ACACB: variants seen among roughly 807,000 people sequenced by gnomAD.
The protein encoded by ACACB is acetyl-CoA carboxylase 2.
A neutral mutation model predicts 278.8 loss-of-function variants in ACACB; 209 were observed. The ratio of observed to expected loss-of-function variants is 0.75; its 90% CI spans 0.67 to 0.84. The LOEUF is 0.84. Among genes scored for constraint, ACACB ranks in the 40% least tolerant of loss-of-function variants. The probability of loss-of-function intolerance (pLI) is 0.00; values close to 1 mark genes in which losing one functional copy is unlikely to be tolerated. For missense variants in ACACB, 2,850 were observed against 3,269.0 expected (o/e 0.87, Z 3.13); for synonymous variants, 1,174 against 1,285.6 (o/e 0.91, Z 1.86).
chr12:109,221,897 G>GGA (rs962897828), intron 24 of ACACB, among the ~76,000 whole-genome samples: 10 of 149,236 alleles, frequency 6.7e-5, no homozygotes, highest in African/African-American at 2.2e-4. Flanking sequence ...TTTTTTTTGG[G>GGA]GGGGAGACAG....
At chr12:109,131,388 C>T (rs1490639389) in intron 1 of ACACB, 1 of 152,646 alleles carries the variant, frequency 6.6e-6, no homozygotes, top group Non-Finnish European at 1.5e-5. Context: ...CTGTCAGCCT[C>T]ACTCAAGAAT....
chr12:109,188,094 G>A lies in ACACB; in HGVS notation c.2076G>A (p.Leu692=), dbSNP rs1235581224. 6.2e-6 allele frequency: 10 copies of A among 1,613,468 alleles called. No individual in the cohort carries two copies. The highest frequency in any genetic ancestry group is 1.3e-5 in the African/African-American group (1 of 74,928). The change falls in exon 13 of 53, where the codon CTG becomes CTA. Residue 692 remains leucine (L), a synonymous_variant. Coordinates refer to ENST00000338432, the MANE Select transcript of ACACB (RefSeq NM_001093.4). ...GYFSVAATGG[L]HEFADSQFGH... ...TCAGCGTGGCCGCTACTGGAGGCCT[G>A]CACGAGTTTGCGGATTCCCAATTTG...
chr12:109,135,919 C>T (rs1274377888), intron 1 of ACACB, among the ~76,000 whole-genome samples: 2 of 151,556 alleles, frequency 1.3e-5, no homozygotes, highest in African/African-American at 4.9e-5. Flanking sequence ...ACGCCATTCT[C>T]CTTCCTCAGT....
chr12:109,193,637 T>C lies in ACACB; in HGVS notation c.2400-11T>C, dbSNP rs908971457. 4 of 1,610,196 alleles carry C rather than the reference T, an allele frequency of 2.5e-6. No individual in the cohort carries two copies. The highest frequency in any genetic ancestry group is 3.4e-6 in the Non-Finnish European group (4 of 1,176,516). On this transcript the variant is annotated splice_polypyrimidine_tract_variant and intron_variant, in intron 15 of 52. Transcript: ENST00000338432. ...TCCCAAGGCTGACCACAACCCTGTC[T>C]TTTCTTTCAGGGGCCAGGTCCTCCC...
Position 109,222,590 on chromosome 12 carries a change from G to A in ACACB, c.3648G>A (p.Glu1216=), listed in dbSNP as rs780920135. The change falls in exon 25 of 53, where the codon GAG becomes GAA. Residue 1216 remains glutamate (E), a synonymous_variant. Transcript: ENST00000338432. ...AGCTCACTCAGCTGAGCAAAAGCGA[G>A]CACTGCAAAGTGGCCCTCAGAGCCC... The part of the protein sequence containing the change: ...LNELTQLSKS[E]HCKVALRARQ... The A allele has an allele frequency of 1.9e-6, 3 of 1,614,188 alleles. No homozygotes were observed. The highest frequency in any genetic ancestry group is 1.7e-6 in the Non-Finnish European group (2 of 1,180,030).
rs753684257 is a variant in ACACB at position 109,176,248 on chromosome 12, G to A, written c.1422G>A (p.Pro474=). 8.1e-6 allele frequency: 13 copies of A among 1,614,004 alleles called. 1 individual carries two copies. Among genetic ancestry groups the A allele is most frequent in the South Asian group, 3.3e-5 (3 of 91,088 alleles). The change falls in exon 9 of 53, where the codon CCG becomes CCA. Residue 474 remains proline, a synonymous_variant. Coordinates refer to ENST00000338432, the MANE Select transcript of ACACB (RefSeq NM_001093.4). ...AGGCTGAGAGTGCGGAGGACTTCCC[G>A]ATCCTTTTCAGACAAGTGAGCAGTT... is the stretch of plus-strand genomic sequence containing the variant. ...IRKAESAEDF[P]ILFRQVQSEI...
chr12:109,250,159 A>G (rs2047055734), intron 41 of ACACB, 55 bp downstream of exon 41: 7 of 1,491,510 alleles, frequency 4.7e-6, no homozygotes, highest in Non-Finnish European at 6.3e-6. Context: ...AGAAACTTTA[A>G]AATTGTCACA....
chr12:109,231,061 C>T (rs1450661473), intron 28 of ACACB, among the ~76,000 whole-genome samples: 1 of 152,202 alleles, frequency 6.6e-6, no homozygotes, highest in East Asian at 1.9e-4. Context: ...CCAAGATGGC[C>T]TGGCTTGGCC....
chr12:109,199,256 T>G, intron 17 of ACACB, 146 bp from the exon 18 acceptor site: 33 of 566,542 alleles, frequency 5.8e-5, no homozygotes, highest in Non-Finnish European at 7.4e-5. Flanking sequence ...TCAGTGTCTC[T>G]GAGATAACTA....
chr12:109,214,218 C>T (rs1200615053), intron 22 of ACACB, among the ~76,000 whole-genome samples: 1 of 152,042 alleles, frequency 6.6e-6, no homozygotes, highest in Non-Finnish European at 1.5e-5. Context: ...GCTGTGATCG[C>T]GCCATTGCAC....
chr12:109,180,145 G>A, intron 11 of ACACB, 58 bp downstream of exon 11: 1 of 1,562,148 alleles, frequency 6.4e-7, no homozygotes, highest in Non-Finnish European at 8.8e-7. Flanking sequence ...GGGTCCATGT[G>A]CTGCTCCCAT....
Position 109,197,061 on chromosome 12 carries a change from C to A in ACACB, c.2535C>A (p.Ile845=). 1 of 1,594,862 alleles carries A rather than the reference C, an allele frequency of 6.3e-7. No individual in the cohort carries two copies. Among genetic ancestry groups the A allele is most frequent in the Non-Finnish European group, 8.5e-7 (1 of 1,172,598 alleles). Reference sequence around the variant, plus strand: ...TTCTCATCATGAATGGCTGCCACATCGAGATTGATGCCCACCGGCTGAATG... The same window carrying A: ...TTCTCATCATGAATGGCTGCCACATAGAGATTGATGCCCACCGGCTGAATG... ...MFVLIMNGCH[I]EIDAHRLNDG... The change falls in exon 17 of 53, where the codon ATC becomes ATA. Residue 845 remains isoleucine (I), a synonymous_variant. Coordinates refer to ENST00000338432, the MANE Select transcript of ACACB (RefSeq NM_001093.4).
intron 18 of ACACB, among the ~76,000 whole-genome samples, chr12:109,199,914 GAGGCAGGAGGATGGCGTGA>G (rs1192108571): frequency 9.5e-4 from 144 of 151,902 alleles, no homozygotes; most frequent in South Asian, 2.7e-3. Flanking sequence ...GCAGGAGGCT[GAGGCAGGAGGATGGCGTGA>G]AGGCAGGAGG....
At chr12:109,170,254 G>A (rs1375745666) in intron 4 of ACACB, among the ~76,000 whole-genome samples, 4 of 152,018 alleles carry the variant, frequency 2.6e-5, no homozygotes, top group African/African-American at 9.7e-5. Flanking sequence ...TAGTGGAGAT[G>A]GAGTTTCACC....
rs1394982089 is a variant in ACACB, at chr12:109,246,166, A to G, written c.5302-13A>G. ...ACAAACTCATTTTCCTTGTGCATTC[A>G]TCCCCTTGCCAGGTGGGCATGGTGG... is the stretch of plus-strand genomic sequence containing the variant. On this transcript the variant is annotated splice_polypyrimidine_tract_variant and intron_variant, in intron 38 of 52. Transcript: ENST00000338432. The G allele has an allele frequency of 1.2e-5, 20 of 1,604,460 alleles. No individual in the cohort carries two copies. Among genetic ancestry groups the G allele is most frequent in the Admixed American group, 1.7e-5 (1 of 59,570 alleles).
rs759576583 is a variant in ACACB, at chr12:109,176,007, G to C, written c.1293G>C (p.Lys431Asn). ...RISVPEDVYD[K>N]GCVKDVDEGL... The stretch of plus-strand genomic sequence containing the variant: ...GTGTCCCAGAAGATGTTTATGACAA[G>C]GGTTGCGTGAAAGACGTAGATGAGG... The change falls in exon 8 of 53, where the codon AAG becomes AAC. Residue 431 changes from lysine (K) to asparagine (N), a missense_variant. By Grantham distance (94) the Lys-to-Asn change is moderately conservative. Around this residue, in one of 3 missense-constraint regions of ACACB, gnomAD observed 2,265 missense variants for 2,561.3 expected, o/e 0.88. Transcript: ENST00000338432. 2 of 1,614,064 alleles carry C rather than the reference G, an allele frequency of 1.2e-6. No homozygotes were observed. The highest frequency in any genetic ancestry group is 3.3e-5 in the Admixed American group (2 of 59,992).
At position 109,210,855 on chromosome 12, in the gene ACACB, A is replaced by G. The variant is rs1454522169; in HGVS notation, c.3249+1502A>G. Reference sequence around the variant, plus strand: ...CTTGAACCCAGGAGGTGGAGGTTGCAGTGAGCCGAGATCGCACCACTGTGC... The same window carrying G: ...CTTGAACCCAGGAGGTGGAGGTTGCGGTGAGCCGAGATCGCACCACTGTGC... On this transcript the variant is annotated intron_variant, in intron 21 of 52. Coordinates refer to ENST00000338432, the MANE Select transcript of ACACB (RefSeq NM_001093.4). 2.0e-5 allele frequency among the ~76,000 whole-genome samples: 3 copies of G among 151,444 alleles called. No individual in the cohort carries two copies. The East Asian group carries it at 5.8e-4, about 29-fold the overall frequency.
chr12:109,250,091 T>G lies in ACACB; in HGVS notation c.5777T>G (p.Val1926Gly). The G allele has an allele frequency of 6.2e-7, 1 of 1,610,214 alleles. No individual in the cohort carries two copies. Among genetic ancestry groups the G allele is most frequent in the Non-Finnish European group, 8.5e-7 (1 of 1,178,682 alleles). The change falls in exon 41 of 53, where the codon GTC (valine) becomes GGC (glycine). Residue 1926 changes from valine to glycine, a missense_variant. Val to Gly is a moderately radical substitution (Grantham distance 109). Around this residue, in one of 3 missense-constraint regions of ACACB, gnomAD observed 2,265 missense variants for 2,561.3 expected, o/e 0.88. Transcript: ENST00000338432. ...TCCTCTCTGGCTTACGAAGAGATCG[T>G]CACCATTAGCTTGGTGAGTCTTCTT... ...GESSLAYEEI[V>G]TISLVTCRAI...
rs1433685343 is a variant in ACACB, at chr12:109,258,994, G to A, written c.6382G>A (p.Val2128Met). 2 of 1,614,066 alleles carry A rather than the reference G, an allele frequency of 1.2e-6. No homozygotes were observed. The highest frequency in any genetic ancestry group is 2.7e-5 in the African/African-American group (2 of 74,920). ...CCAGATAATTCAGCAGGCAGGACAGGTGTGGTTCCCAGACTCAGCCTACAA... is the reference window on the plus strand; with the variant it reads ...CCAGATAATTCAGCAGGCAGGACAGATGTGGTTCCCAGACTCAGCCTACAA... ...EAKIIQQAGQVWFPDSAYKTA... is the reference protein window; with the variant it reads ...EAKIIQQAGQMWFPDSAYKTA... The change falls in exon 47 of 53, where the codon GTG becomes ATG. Residue 2128 changes from valine (V) to methionine (M), a missense_variant. By Grantham distance (21) the Val-to-Met change is conservative. Transcript: ENST00000338432.
Sources: allele counts gnomAD v4.1 joint callset (sites outside exome capture counted in the v4.1 genomes callset), GRCh38; gene constraint gnomAD v4.1.1; regional missense constraint gnomAD v4.1.1; transcripts MANE v1.5; gene names NCBI Gene and HGNC (gene_info 2026-07-23, HGNC 2026-07-21).